Variants in ITPR2 observed in about 807,000 individuals in gnomAD.
ITPR2 encodes inositol 1,4,5-trisphosphate receptor type 2.
In ITPR2, 207 loss-of-function variants were observed where a neutral mutation model predicts 317.1. That is an observed-to-expected ratio of 0.65 (90% CI 0.58 to 0.73). The LOEUF (loss-of-function observed/expected upper bound fraction) is 0.73. Among genes scored for constraint, ITPR2 ranks in the 30% least tolerant of loss-of-function variants. The pLI, the probability that ITPR2 is intolerant of heterozygous loss-of-function variation, is 0.00. For missense variants in ITPR2, 2,613 were observed against 3,284.0 expected (o/e 0.80, Z 4.99); for synonymous variants, 1,156 against 1,149.1 (o/e 1.01, Z -0.12).
At chr12:26,758,238 G>A (rs1949562986) in intron 2 of ITPR2, among the ~76,000 whole-genome samples, 1 of 152,002 alleles carries the variant, frequency 6.6e-6, no homozygotes, top group Non-Finnish European at 1.5e-5. Context: ...CATATTTTAA[G>A]TATTCATTTA....
At chr12:26,590,705 G>A (rs532010167) in intron 32 of ITPR2, among the ~76,000 whole-genome samples, 1 of 152,208 alleles carries the variant, frequency 6.6e-6, no homozygotes, top group Non-Finnish European at 1.5e-5. Flanking sequence ...CAGGACATTG[G>A]TCTGGGCAAA....
intron 34 of ITPR2, among the ~76,000 whole-genome samples, chr12:26,562,425 G>A (rs1944843635): frequency 6.6e-6 from 1 of 151,876 alleles, no homozygotes; most frequent in African/African-American, 2.4e-5. Context: ...ATTGGAAGAG[G>A]GCACTCTTCC....
rs767163589 is a variant in ITPR2 at position 26,659,103 on chromosome 12, C to T, written c.1886+10G>A. 12 of 1,604,094 alleles carry T rather than the reference C, an allele frequency of 7.5e-6. No homozygotes were observed. Among genetic ancestry groups the T allele is most frequent in the Admixed American group, 6.7e-5 (4 of 59,464 alleles). On this transcript the variant is annotated intron_variant, in intron 16 of 56. Coordinates refer to ENST00000381340, the MANE Select transcript of ITPR2 (RefSeq NM_002223.4). ...CACTAGAAAAGAATACCGCATGAAT[C>T]ATTTCAAACCTTGGCTCCCGATTTC...
At position 26,554,603 on chromosome 12, in the gene ITPR2, G is replaced by C. The variant is rs1347453910; in HGVS notation, c.4964+1630C>G. ...GTAGCAGGACCAATTTAGCCTGAGG[G>C]CCAGAGCTTGCCAACCCGTTCCAGG... On this transcript the variant is annotated intron_variant, in intron 36 of 56. Coordinates refer to ENST00000381340, the MANE Select transcript of ITPR2 (RefSeq NM_002223.4). Among the ~76,000 whole-genome samples, 2 of 152,104 alleles carry C rather than the reference G, an allele frequency of 1.3e-5. 1 individual carries two copies. The highest frequency in any genetic ancestry group is 2.9e-5 in the Non-Finnish European group (2 of 68,018).
At chr12:26,413,146 T>C (rs527825033) in intron 51 of ITPR2, among the ~76,000 whole-genome samples, 19 of 152,334 alleles carry the variant, frequency 1.2e-4, no homozygotes, top group Admixed American at 7.8e-4. Flanking sequence ...CACAGACTTT[T>C]CTAAGACACC....
intron 45 of ITPR2, among the ~76,000 whole-genome samples, chr12:26,451,457 G>A (rs377009646): frequency 5.3e-5 from 8 of 151,078 alleles, no homozygotes; most frequent in African/African-American, 1.5e-4. Flanking sequence ...CTGAAGGAGC[G>A]ACCCTAGAAT....
chr12:26,336,839 C>A lies in ITPR2; in HGVS notation c.*2558G>T, dbSNP rs979964520. 6.6e-6 allele frequency: 1 copy of A among 152,078 alleles called. No individual in the cohort carries two copies. Among genetic ancestry groups the A allele is most frequent in the Non-Finnish European group, 1.5e-5 (1 of 67,998 alleles). 9.4% of individuals were successfully genotyped at this position (152,078 alleles called of 1,614,324 possible). On this transcript the variant is annotated 3_prime_UTR_variant, in exon 57 of 57. Coordinates refer to ENST00000381340, the MANE Select transcript of ITPR2 (RefSeq NM_002223.4). ...CTGATACTCACCTAAGTCAAATATT[C>A]CAGTTGCATTAACAAACATACACAT... is the stretch of plus-strand genomic sequence containing the variant.
At position 26,516,260 on chromosome 12, in the gene ITPR2, A is replaced by G. The variant is rs1047462377; in HGVS notation, c.5074-21000T>C. Among the ~76,000 whole-genome samples, 65 of 54,258 alleles carry G rather than the reference A, an allele frequency of 1.2e-3. 1 individual carries two copies. Among genetic ancestry groups the G allele is most frequent in the Non-Finnish European group, 1.7e-3 (45 of 27,132 alleles). The allele number at this position is 54,258 out of a possible 152,430, so 35.6% of individuals were successfully genotyped here. On this transcript the variant is annotated intron_variant, in intron 37 of 56. Coordinates refer to ENST00000381340, the MANE Select transcript of ITPR2 (RefSeq NM_002223.4). The stretch of plus-strand genomic sequence containing the variant: ...AGGAAAGGAAAGGAAAGGAAAGGAA[A>G]GGAAAGGAAAGGAAGGGAAGGGAAG...
Position 26,430,315 on chromosome 12 carries a change from G to A in ITPR2, c.6770-2227C>T, listed in dbSNP as rs191768619. 1.3e-4 allele frequency among the ~76,000 whole-genome samples: 20 copies of A among 152,342 alleles called. No homozygotes were observed. In the East Asian group the frequency reaches 3.9e-3, roughly 29 times the overall value. ...GTCTTGCTCTGTCACCCAGGCTGGA[G>A]TGCAGTGGCGTGATCTCGGCTCACT... is the stretch of plus-strand genomic sequence containing the variant. On this transcript the variant is annotated intron_variant, in intron 48 of 56. Coordinates refer to ENST00000381340, the MANE Select transcript of ITPR2 (RefSeq NM_002223.4).
intron 50 of ITPR2, among the ~76,000 whole-genome samples, 174 bp from the exon 51 acceptor site, chr12:26,415,672 TTAA>T (rs1940699766): frequency 6.6e-6 from 1 of 152,206 alleles, no homozygotes; most frequent in South Asian, 2.1e-4. Context: ...CTGGAATATA[TTAA>T]TAAATTGTTT....
chr12:26,537,371 A>T (rs564857367), intron 37 of ITPR2, among the ~76,000 whole-genome samples: 5 of 152,336 alleles, frequency 3.3e-5, no homozygotes, highest in African/African-American at 1.2e-4. Context: ...ATGGCTGCAT[A>T]CACCAGGGTG....
intron 43 of ITPR2, among the ~76,000 whole-genome samples, chr12:26,479,299 T>C (rs890984594): frequency 6.6e-6 from 1 of 151,860 alleles, no homozygotes; most frequent in African/African-American, 2.4e-5. Flanking sequence ...AGCATTTTCA[T>C]TTGAATAGTT....
intron 45 of ITPR2, among the ~76,000 whole-genome samples, chr12:26,446,684 T>C (rs1941615469): frequency 7.0e-6 from 1 of 143,640 alleles, no homozygotes; most frequent in African/African-American, 2.6e-5. Flanking sequence ...GACATGATTC[T>C]GCATTTGTCT....
intron 32 of ITPR2, among the ~76,000 whole-genome samples, 179 bp from the exon 33 acceptor site, chr12:26,580,334 T>C (rs1945373448): frequency 6.6e-6 from 1 of 152,170 alleles, no homozygotes; most frequent in South Asian, 2.1e-4. Flanking sequence ...CAATCTTCAG[T>C]AGCTGCTCCA....
intron 45 of ITPR2, among the ~76,000 whole-genome samples, chr12:26,460,603 G>A (rs1052904301): frequency 6.6e-6 from 1 of 152,138 alleles, no homozygotes; most frequent in Non-Finnish European, 1.5e-5. Context: ...AGCTGAGAAG[G>A]TGAAAAGTCT....
chr12:26,402,272 C>T (rs139648140), intron 52 of ITPR2, among the ~76,000 whole-genome samples: 78 of 152,316 alleles, frequency 5.1e-4, no homozygotes, highest in African/African-American at 1.9e-3. Flanking sequence ...ATAATCAGGT[C>T]ATGTGGAGCA....
At chr12:26,713,361 A>T (rs1008005537) in intron 8 of ITPR2, among the ~76,000 whole-genome samples, 1 of 152,348 alleles carries the variant, frequency 6.6e-6, no homozygotes, top group South Asian at 2.1e-4. Context: ...CACAATAGAG[A>T]AAAGTCCCTC....
At chr12:26,592,447 A>C (rs1333331904) in intron 32 of ITPR2, among the ~76,000 whole-genome samples, 1 of 152,254 alleles carries the variant, frequency 6.6e-6, no homozygotes, top group East Asian at 1.9e-4. Flanking sequence ...TAAATGCTTC[A>C]GGTGATGGAT....
chr12:26,372,019 C>G (rs1263167498), intron 55 of ITPR2, among the ~76,000 whole-genome samples: 1 of 152,182 alleles, frequency 6.6e-6, no homozygotes. Context: ...ATTCCTGTTT[C>G]CCTTTAGCTC....
Sources: gnomAD v4.1 joint callset for allele counts (sites outside exome capture counted in the v4.1 genomes callset) on GRCh38, gnomAD v4.1.1 for gene constraint, MANE v1.5 for transcripts, NCBI Gene and HGNC (gene_info 2026-07-23, HGNC 2026-07-21) for gene names.